Variants in ATL2 observed in about 807,000 individuals in gnomAD.
ATL2 encodes atlastin GTPase 2, also known as atlastin-2.
ATL2 carries 31 observed loss-of-function variants against 73.9 expected under a neutral mutation model. The observed-to-expected ratio is 0.42, with a 90% confidence interval of 0.32 to 0.57. The LOEUF (loss-of-function observed/expected upper bound fraction) is 0.57. Ranked by LOEUF, ATL2 falls within the 20% of genes least tolerant of loss-of-function variation. The pLI is 0.14. For missense variants in ATL2, 738 were observed against 702.6 expected (o/e 1.05, Z -0.57); for synonymous variants, 291 against 237.5 (o/e 1.23, Z -2.07).
chr2:38,323,556 C>T (rs1473966576), intron 2 of ATL2, among the ~76,000 whole-genome samples: 1 of 151,696 alleles, frequency 6.6e-6, no homozygotes, highest in Non-Finnish European at 1.5e-5. Flanking sequence ...GCCAAAAAGA[C>T]GTTCTACATA....
At chr2:38,332,925 CAT>C (rs1203958837) in intron 2 of ATL2, among the ~76,000 whole-genome samples, 1 of 152,186 alleles carries the variant, frequency 6.6e-6, no homozygotes, top group Non-Finnish European at 1.5e-5. Flanking sequence ...CTCAATGGCA[CAT>C]GTCTTGTAAG....
At chr2:38,306,815 C>A (rs979987839) in intron 9 of ATL2, among the ~76,000 whole-genome samples, 1 of 152,118 alleles carries the variant, frequency 6.6e-6, no homozygotes, top group African/African-American at 2.4e-5. Flanking sequence ...AAATTGAAAG[C>A]CTTTCCTTTA....
rs184919344 is a variant in ATL2 at position 38,306,520 on chromosome 2, A to G, written c.1071+2859T>C. 6.1e-4 allele frequency among the ~76,000 whole-genome samples: 93 copies of G among 152,358 alleles called. 1 individual carries two copies. Among genetic ancestry groups the G allele is most frequent in the African/African-American group, 2.2e-3 (90 of 41,588 alleles). ...AGCAAACTGAATTCAACAACACATT[A>G]AAAAGATCATTCATCATCACCTAGG... On this transcript the variant is annotated intron_variant, in intron 9 of 12. Transcript: ENST00000378954.
chr2:38,321,900 A>G (rs1244322437), intron 2 of ATL2, among the ~76,000 whole-genome samples: 1 of 151,928 alleles, frequency 6.6e-6, no homozygotes, highest in Non-Finnish European at 1.5e-5. Context: ...TTTTGTAGAG[A>G]GGGGGTTTCG....
intron 9 of ATL2, among the ~76,000 whole-genome samples, chr2:38,304,233 G>A (rs1249379384): frequency 6.6e-6 from 1 of 152,178 alleles, no homozygotes; most frequent in Non-Finnish European, 1.5e-5. Flanking sequence ...TTACAGGCCA[G>A]GAGAGAGTAG....
At chr2:38,300,221 T>C in intron 10 of ATL2, 51 bp downstream of exon 10, 9 of 1,415,892 alleles carry the variant, frequency 6.4e-6, no homozygotes, top group Non-Finnish European at 8.7e-6. Flanking sequence ...ATTTTTATTC[T>C]CCCTCATAAA....
intron 11 of ATL2, 120 bp downstream of exon 11, chr2:38,299,136 G>A: frequency 1.1e-6 from 1 of 871,142 alleles, no homozygotes; most frequent in Non-Finnish European, 1.6e-6. Context: ...GGGAATTAGG[G>A]AATAATGTAC....
At chr2:38,318,083 A>G (rs1668119574) in intron 4 of ATL2, among the ~76,000 whole-genome samples, 1 of 152,196 alleles carries the variant, frequency 6.6e-6, no homozygotes, top group Non-Finnish European at 1.5e-5. Context: ...CTTCAGCCCA[A>G]AAGCTAGAGT....
intron 2 of ATL2, among the ~76,000 whole-genome samples, chr2:38,337,249 C>A (rs1669411955): frequency 6.6e-6 from 1 of 151,756 alleles, no homozygotes; most frequent in South Asian, 2.1e-4. Flanking sequence ...CTTTGGGAGG[C>A]TGAGGTGGGA....
upstream of ATL2, chr2:38,377,376 CTCCTCGCCCTCCGCCTGTA>C: frequency 1.3e-6 from 1 of 745,960 alleles, no homozygotes; most frequent in Non-Finnish European, 2.0e-6. Flanking sequence ...CCGCCTGTAT[CTCCTCGCCCTCCGCCTGTA>C]TCTCCTCGCC....
chr2:38,368,676 C>CA (rs1401320872), intron 1 of ATL2, among the ~76,000 whole-genome samples: 5 of 151,956 alleles, frequency 3.3e-5, no homozygotes, highest in Non-Finnish European at 7.4e-5. Flanking sequence ...CAATTCTCAC[C>CA]AAAAAAATAC....
At chr2:38,296,628 A>G in intron 12 of ATL2, 2 of 1,607,124 alleles carry the variant, frequency 1.2e-6, no homozygotes, top group East Asian at 4.5e-5. Flanking sequence ...AATGAATCAG[A>G]GTGCCTCGAA....
chr2:38,317,939 TAAGAAATGTAAATAGCTCTC>T (rs1324523848), intron 4 of ATL2, among the ~76,000 whole-genome samples: 1 of 152,108 alleles, frequency 6.6e-6, no homozygotes, highest in African/African-American at 2.4e-5. Context: ...AAATAACCAA[TAAGAAATGTAAATAGCTCTC>T]AAGAAATGTA....
intron 2 of ATL2, among the ~76,000 whole-genome samples, chr2:38,335,544 T>C (rs1669301873): frequency 6.6e-6 from 1 of 152,156 alleles, no homozygotes; most frequent in African/African-American, 2.4e-5. Flanking sequence ...AAAACTAATC[T>C]ACATTAATAC....
intron 1 of ATL2, among the ~76,000 whole-genome samples, chr2:38,348,000 C>G (rs1049235684): frequency 2.0e-5 from 3 of 151,634 alleles, no homozygotes; most frequent in Non-Finnish European, 4.4e-5. Context: ...CTCCTGACCT[C>G]AGGTGATCCA....
chr2:38,346,016 T>G (rs1170447717), intron 1 of ATL2, among the ~76,000 whole-genome samples: 1 of 152,252 alleles, frequency 6.6e-6, no homozygotes, highest in Admixed American at 6.5e-5. Context: ...TATTTTCCCC[T>G]TGAAATGCCA....
chr2:38,371,982 A>C (rs188621699), intron 1 of ATL2, among the ~76,000 whole-genome samples: 25 of 152,306 alleles, frequency 1.6e-4, no homozygotes, highest in African/African-American at 5.8e-4. Context: ...CAAAAATCAT[A>C]GGAAGTTTGC....
intron 1 of ATL2, chr2:38,376,297 A>C: frequency 7.5e-7 from 1 of 1,332,224 alleles, no homozygotes; most frequent in South Asian, 2.0e-5. Flanking sequence ...TGCCAACGCA[A>C]CTGCGTCTTC....
At position 38,331,568 on chromosome 2, in the gene ATL2, G is replaced by A. The variant is rs555102098; in HGVS notation, c.363+11700C>T. ...GAGGTCGTTGCAGTAAGCCAAGATCGCACCACTGCACTCCAGCCTGGGCAA... is the reference window on the plus strand; with the variant it reads ...GAGGTCGTTGCAGTAAGCCAAGATCACACCACTGCACTCCAGCCTGGGCAA... On this transcript the variant is annotated intron_variant, in intron 2 of 12. Coordinates refer to ENST00000378954, the MANE Select transcript of ATL2 (RefSeq NM_001135673.4). Among the ~76,000 whole-genome samples, 46 of 141,906 alleles carry A rather than the reference G, an allele frequency of 3.2e-4. No homozygotes were observed. The South Asian group carries it at 5.1e-3, about 16-fold the overall frequency. 93.1% of individuals were successfully genotyped at this position (141,906 alleles called of 152,430 possible). A position where few individuals can be genotyped will look rare whatever the true frequency, so the allele number is the denominator to read the frequency against.
Sources: gnomAD v4.1 joint callset for allele counts (sites outside exome capture counted in the v4.1 genomes callset) on GRCh38, gnomAD v4.1.1 for gene constraint, MANE v1.5 for transcripts, NCBI Gene and HGNC (gene_info 2026-07-23, HGNC 2026-07-21) for gene names.